ADIPOR2: variants seen among roughly 807,000 people sequenced by gnomAD.
The protein encoded by ADIPOR2 is adiponectin receptor 2, also known as adiponectin receptor protein 2.
A neutral mutation model predicts 40.9 loss-of-function variants in ADIPOR2; 18 were observed. The observed-to-expected ratio is 0.44, with a 90% CI of 0.30 to 0.65. ADIPOR2 has a LOEUF of 0.65. Ranked by LOEUF, ADIPOR2 falls within the 30% of genes least tolerant of loss-of-function variation. The pLI, the probability that ADIPOR2 is intolerant of heterozygous loss-of-function variation, is 0.09. For synonymous variants in ADIPOR2, 165 were observed against 166.4 expected (o/e 0.99, Z 0.06); for missense variants, 283 against 479.2 (o/e 0.59, Z 3.82).
intron 2 of ADIPOR2, among the ~76,000 whole-genome samples, chr12:1,762,605 C>T (rs1439072245): frequency 6.6e-6 from 1 of 152,174 alleles, no homozygotes; most frequent in African/African-American, 2.4e-5. Context: ...AACTAATCTA[C>T]TTCTTTAATC....
intron 1 of ADIPOR2, among the ~76,000 whole-genome samples, chr12:1,721,309 G>A (rs373126613): frequency 7.7e-5 from 11 of 142,372 alleles, no homozygotes; most frequent in African/African-American, 2.3e-4. Context: ...TCCACCTCCC[G>A]GGTTCAAGTG....
intron 2 of ADIPOR2, among the ~76,000 whole-genome samples, chr12:1,760,345 C>G (rs1326747228): frequency 6.6e-6 from 1 of 151,966 alleles, no homozygotes; most frequent in Non-Finnish European, 1.5e-5. Context: ...ATTTTACATA[C>G]CATAAAATTA....
chr12:1,748,305 G>A (rs1385764882), intron 1 of ADIPOR2, among the ~76,000 whole-genome samples: 3 of 152,102 alleles, frequency 2.0e-5, no homozygotes, highest in Admixed American at 1.3e-4. Flanking sequence ...CTGGAGTGCA[G>A]TGGCGCGATC....
chr12:1,775,759 T>A (rs1366214266), intron 3 of ADIPOR2, among the ~76,000 whole-genome samples: 3 of 152,122 alleles, frequency 2.0e-5, no homozygotes, highest in Non-Finnish European at 4.4e-5. Context: ...ATGCAAAAAA[T>A]TCAGTATCTT....
chr12:1,770,365 T>C (rs1862472541), intron 2 of ADIPOR2, among the ~76,000 whole-genome samples: 1 of 152,238 alleles, frequency 6.6e-6, no homozygotes, highest in Non-Finnish European at 1.5e-5. Context: ...TTGAAATGGC[T>C]GACAGTAATT....
intron 2 of ADIPOR2, among the ~76,000 whole-genome samples, chr12:1,760,520 T>C (rs1410175631): frequency 6.6e-6 from 1 of 152,190 alleles, no homozygotes; most frequent in East Asian, 1.9e-4. Flanking sequence ...CTAGTCTACT[T>C]TCTGTCTCTA....
intron 4 of ADIPOR2, 164 bp from the exon 5 acceptor site, chr12:1,780,287 T>G (rs537970467): frequency 1.5e-6 from 1 of 650,612 alleles, no homozygotes; most frequent in African/African-American, 1.9e-5. Context: ...ATGTTGGAAG[T>G]AAACCACAAT....
chr12:1,719,869 G>C (rs948741052), intron 1 of ADIPOR2, among the ~76,000 whole-genome samples: 11 of 151,996 alleles, frequency 7.2e-5, no homozygotes, highest in African/African-American at 2.2e-4. Flanking sequence ...CAGAGATGGG[G>C]TTTTACCATG....
At chr12:1,736,838 A>C (rs538224414) in intron 1 of ADIPOR2, among the ~76,000 whole-genome samples, 21 of 152,230 alleles carry the variant, frequency 1.4e-4, no homozygotes, top group Non-Finnish European at 3.1e-4. Flanking sequence ...GTTTCAAAAA[A>C]CATCTTTATT....
At chr12:1,741,324 T>C (rs908512654) in intron 1 of ADIPOR2, among the ~76,000 whole-genome samples, 1 of 152,024 alleles carries the variant, frequency 6.6e-6, no homozygotes, top group Non-Finnish European at 1.5e-5. Flanking sequence ...GTCAGAGATA[T>C]TGGTGGTTTA....
In ADIPOR2 at chr12:1,757,653, G is replaced by T. The variant is rs955056483; in HGVS notation, c.171+3139G>T. ...TGCCCCCAGAGATTTTTCTCACTTTGTATTTGGCCTCCTCAGGTGTAATAG... is the reference window on the plus strand; with the variant it reads ...TGCCCCCAGAGATTTTTCTCACTTTTTATTTGGCCTCCTCAGGTGTAATAG... On this transcript the variant is annotated intron_variant, in intron 2 of 7. Transcript: ENST00000357103. 18 of 1,291,814 alleles carry T rather than the reference G, an allele frequency of 1.4e-5. No individual in the cohort carries two copies. In the Admixed American group the frequency reaches 2.5e-4, roughly 18 times the overall value. 80.0% of individuals were successfully genotyped at this position (1,291,814 alleles called of 1,614,324 possible).
At chr12:1,770,518 G>T (rs528980085) in intron 2 of ADIPOR2, among the ~76,000 whole-genome samples, 1 of 151,974 alleles carries the variant, frequency 6.6e-6, no homozygotes, top group South Asian at 2.1e-4. Flanking sequence ...GCTATTGCCC[G>T]TTTTCAGGTT....
intron 1 of ADIPOR2, among the ~76,000 whole-genome samples, chr12:1,722,650 A>G (rs550611646): frequency 2.6e-5 from 4 of 152,354 alleles, no homozygotes; most frequent in African/African-American, 2.4e-5. Context: ...GGGAAGCAGA[A>G]AAATGGTTGT....
chr12:1,748,537 C>T (rs986867071), intron 1 of ADIPOR2, among the ~76,000 whole-genome samples: 6 of 152,038 alleles, frequency 3.9e-5, no homozygotes, highest in African/African-American at 1.2e-4. Context: ...CGTGAGCCAC[C>T]GTGCCTGGCC....
chr12:1,783,744 T>C (rs1862772432), intron 6 of ADIPOR2, 136 bp from the exon 7 acceptor site: 1 of 725,940 alleles, frequency 1.4e-6, no homozygotes, highest in Non-Finnish European at 2.1e-6. Context: ...TTCTTTTTCC[T>C]TTAAAACTGG....
chr12:1,750,702 T>G (rs1185923165), intron 1 of ADIPOR2, among the ~76,000 whole-genome samples: 1 of 152,244 alleles, frequency 6.6e-6, no homozygotes, highest in East Asian at 1.9e-4. Flanking sequence ...TTATCTTTTT[T>G]CTATTGTGAT....
intron 1 of ADIPOR2, among the ~76,000 whole-genome samples, chr12:1,725,762 A>G (rs11612726): frequency 0.044 from 6,774 of 152,302 alleles, 249 homozygotes; most frequent in East Asian, 0.18. Flanking sequence ...CAAATACACA[A>G]ATTAATAATA....
intron 1 of ADIPOR2, among the ~76,000 whole-genome samples, chr12:1,701,758 A>T (rs1331421372): frequency 6.6e-6 from 1 of 152,234 alleles, no homozygotes; most frequent in East Asian, 1.9e-4. Context: ...TATTAAAAAT[A>T]ATGTTACATT....
chr12:1,765,732 T>C (rs571167731), intron 2 of ADIPOR2, among the ~76,000 whole-genome samples: 86 of 152,256 alleles, frequency 5.6e-4, no homozygotes, highest in Non-Finnish European at 2.4e-4. Flanking sequence ...TTCTTTTTTT[T>C]CCCCCTTTTT....
Sources: gnomAD v4.1 joint callset for allele counts (sites outside exome capture counted in the v4.1 genomes callset) on GRCh38, gnomAD v4.1.1 for gene constraint, MANE v1.5 for transcripts, NCBI Gene and HGNC (gene_info 2026-07-23, HGNC 2026-07-21) for gene names.